Variants in MYO9A observed in about 807,000 individuals in gnomAD.
MYO9A encodes unconventional myosin-IXa.
Under a neutral mutation model 293.3 loss-of-function variants are expected in MYO9A, and 103 were observed. The observed-to-expected ratio is 0.35, with a 90% confidence interval of 0.30 to 0.41. The LOEUF is 0.41. MYO9A is among the 10% of genes least tolerant of loss of function. MYO9A has a pLI of 1.00. For missense variants in MYO9A, 2,685 were observed against 3,033.0 expected, an observed-to-expected ratio of 0.89 and a Z score of 2.69; for synonymous variants, 1,001 against 1,035.7, an observed-to-expected ratio of 0.97 and a Z score of 0.64.
At chr15:72,046,709 A>C (rs1004753426) in intron 1 of MYO9A, 75 bp from the exon 2 acceptor site, 21 of 1,013,718 alleles carry the variant, frequency 2.1e-5, no homozygotes, top group Middle Eastern at 2.4e-4. Flanking sequence ...GAAAAGCTTA[A>C]CAAGCATGTT....
intron 13 of MYO9A, among the ~76,000 whole-genome samples, chr15:71,964,468 G>A (rs539622793): frequency 3.3e-5 from 5 of 152,012 alleles, no homozygotes; most frequent in Admixed American, 1.3e-4. Context: ...CCAACATGGC[G>A]AAACCCCATC....
chr15:71,996,816 A>T (rs2076711516), intron 9 of MYO9A, among the ~76,000 whole-genome samples: 1 of 151,956 alleles, frequency 6.6e-6, no homozygotes, highest in African/African-American at 2.4e-5. Context: ...TCTGTGCTTG[A>T]CCAAAACCCA....
At chr15:71,934,786 C>CTTTTTTT (rs1167613386) in intron 17 of MYO9A, among the ~76,000 whole-genome samples, 41 of 61,788 alleles carry the variant, frequency 6.6e-4, no homozygotes, top group East Asian at 2.4e-3. Flanking sequence ...CTTTTCTTTT[C>CTTTTTTT]TTTTTTTTTT....
intron 37 of MYO9A, among the ~76,000 whole-genome samples, chr15:71,850,532 A>G (rs972445732): frequency 5.9e-5 from 9 of 152,094 alleles, no homozygotes; most frequent in African/African-American, 1.9e-4. Flanking sequence ...TGGGAGGCCA[A>G]TGTGGGCAGA....
In MYO9A at chr15:71,897,656, G is replaced by A. The variant is rs2143024116; in HGVS notation, c.4847C>T (p.Thr1616Ile). 1 of 1,614,144 alleles carries A rather than the reference G, an allele frequency of 6.2e-7. No individual in the cohort carries two copies. The highest frequency in any genetic ancestry group is 1.6e-4 in the Middle Eastern group (1 of 6,062). The stretch of plus-strand genomic sequence containing the variant: ...GTCTGTCTTGGATAATTCCTTGACA[G>A]TACTAGATTGGCATGGACTTCCTTT... ...ERKGSPCQSS[T>I]VKELSKTDRM... The change falls in exon 25 of 42, where the codon ACT becomes ATT. Residue 1616 changes from threonine to isoleucine, a missense_variant. By Grantham distance (89) the Thr-to-Ile change is moderately conservative (BLOSUM62 -1). Coordinates refer to ENST00000356056, the MANE Select transcript of MYO9A (RefSeq NM_006901.4).
intron 1 of MYO9A, among the ~76,000 whole-genome samples, chr15:72,091,559 A>G (rs993725955): frequency 6.6e-6 from 1 of 152,084 alleles, no homozygotes; most frequent in African/African-American, 2.4e-5. Context: ...TAGTAATACA[A>G]CTTTACCTGA....
intron 1 of MYO9A, among the ~76,000 whole-genome samples, chr15:72,095,865 A>G (rs1481054919): frequency 6.6e-6 from 1 of 151,554 alleles, no homozygotes; most frequent in African/African-American, 2.4e-5. Flanking sequence ...GGATCATCTG[A>G]GGTCAGGAGT....
chr15:71,979,832 T>C (rs2076229614), intron 11 of MYO9A, among the ~76,000 whole-genome samples: 1 of 152,176 alleles, frequency 6.6e-6, no homozygotes, highest in Admixed American at 6.5e-5. Context: ...AACAAGAGTA[T>C]TGGGACTCCA....
rs142700128 is a variant in MYO9A at position 72,016,896 on chromosome 15, C to T, written c.1155+2143G>A. 2.2e-4 allele frequency among the ~76,000 whole-genome samples: 34 copies of T among 151,600 alleles called. 1 individual carries two copies. In the East Asian group the frequency reaches 6.0e-3, roughly 27 times the overall value. ...TGTACTCTATCAAGTTCTTTACATG[C>T]ACAACTTTAAGACTCACAAAACTTA... On this transcript the variant is annotated intron_variant, in intron 6 of 41. Coordinates refer to ENST00000356056, the MANE Select transcript of MYO9A (RefSeq NM_006901.4).
chr15:71,984,556 C>T (rs1355785782), intron 11 of MYO9A, among the ~76,000 whole-genome samples: 1 of 152,154 alleles, frequency 6.6e-6, no homozygotes, highest in Non-Finnish European at 1.5e-5. Context: ...CTCTCATACA[C>T]ATCTTTCCAA....
Position 71,898,282 on chromosome 15 carries a change from C to A in MYO9A, c.4221G>T (p.Gln1407His). 6.2e-6 allele frequency: 10 copies of A among 1,614,108 alleles called. No individual in the cohort carries two copies. Among genetic ancestry groups the A allele is most frequent in the Non-Finnish European group, 8.5e-6 (10 of 1,180,030 alleles). ...TATTTGAAATGAAGGAGTCTTTCAG[C>A]TGTGGTTTACAGGTAATAGACTCAG... ...CSSESITCKP[Q>H]LKDSFISNSL... Residue 1407 changes from glutamine to histidine, a missense_variant, in exon 25 of 42, where the codon CAG (glutamine) becomes CAT (histidine). Gln to His is a conservative substitution (Grantham distance 24, BLOSUM62 0). Around this residue, in one of 10 missense-constraint regions of MYO9A, gnomAD observed 1,434 missense variants for 1,497.7 expected, o/e 0.96. Transcript: ENST00000356056.
rs1412788884 is a variant in MYO9A at position 71,826,359 on chromosome 15, T to C, written c.*221A>G. The C allele has an allele frequency of 7.7e-6, 4 of 522,800 alleles. No homozygotes were observed. The highest frequency in any genetic ancestry group is 6.4e-5 in the East Asian group (2 of 31,178). 32.4% of individuals were successfully genotyped at this position (522,800 alleles called of 1,614,324 possible). A position where few individuals can be genotyped will look rare whatever the true frequency, so the allele number is the denominator to read the frequency against. ...TGGCTTTGTATAGTAAAAATCTCAATTCAAATACAACAGCCAAGGCACAGC... is the reference window on the plus strand; with the variant it reads ...TGGCTTTGTATAGTAAAAATCTCAACTCAAATACAACAGCCAAGGCACAGC... On this transcript the variant is annotated 3_prime_UTR_variant, in exon 42 of 42. Coordinates refer to ENST00000356056, the MANE Select transcript of MYO9A (RefSeq NM_006901.4).
intron 15 of MYO9A, 151 bp downstream of exon 15, chr15:71,951,626 A>G: frequency 1.2e-6 from 1 of 803,804 alleles, no homozygotes; most frequent in East Asian, 2.7e-5. Flanking sequence ...AGAAAGTACT[A>G]AAGACTCAAT....
intron 18 of MYO9A, among the ~76,000 whole-genome samples, chr15:71,925,613 T>C (rs958917879): frequency 6.6e-6 from 1 of 152,142 alleles, no homozygotes; most frequent in South Asian, 2.1e-4. Context: ...CTTGTATTTA[T>C]AATGGACTAT....
rs554449491 is a variant in MYO9A, at chr15:72,073,726, C to A, written c.-71-27092G>T. On this transcript the variant is annotated intron_variant, in intron 1 of 41. Coordinates refer to ENST00000356056, the MANE Select transcript of MYO9A (RefSeq NM_006901.4). The stretch of plus-strand genomic sequence containing the variant: ...AGTAATTTGGATAACTCTTACAGAC[C>A]AAATTGAGGTATCTACTAACCGAAA... Among the ~76,000 whole-genome samples the A allele has an allele frequency of 1.7e-4, 26 of 152,080 alleles. No homozygotes were observed. The South Asian group carries it at 2.3e-3, about 13-fold the overall frequency.
At chr15:71,986,445 T>G (rs1276029355) in intron 11 of MYO9A, among the ~76,000 whole-genome samples, 1 of 152,180 alleles carries the variant, frequency 6.6e-6, no homozygotes, top group African/African-American at 2.4e-5. Flanking sequence ...TCAGAATCAC[T>G]CACCCATTCT....
rs767148810 is a variant in MYO9A, at chr15:71,951,892, A to T, written c.2187T>A (p.His729Gln). Residue 729 changes from histidine to glutamine, a missense_variant, in exon 15 of 42, where the codon CAT becomes CAA. This residue lies in a region of MYO9A where 1,434 missense variants were observed against 1,497.7 expected (regional missense o/e 0.96). Transcript: ENST00000356056. Reference sequence around the variant, plus strand: ...AAATTGCACATGGCGCTGTATCATCATGTCCTTAGGAAGCAAAAAAAAACA... The same window carrying T: ...AAATTGCACATGGCGCTGTATCATCTTGTCCTTAGGAAGCAAAAAAAAACA... ...GKRNIHRKTGHDDTAPCAILK... is the reference protein window; with the variant it reads ...GKRNIHRKTGQDDTAPCAILK... The T allele has an allele frequency of 6.3e-7, 1 of 1,592,868 alleles. No homozygotes were observed.
At chr15:71,977,984 C>T (rs1479199256) in intron 12 of MYO9A, among the ~76,000 whole-genome samples, 187 bp downstream of exon 12, 1 of 152,080 alleles carries the variant, frequency 6.6e-6, no homozygotes, top group African/African-American at 2.4e-5. Flanking sequence ...TTGCAATGAG[C>T]CGAGATGGGG....
chr15:71,852,775 C>A (rs1230282750), intron 35 of MYO9A, among the ~76,000 whole-genome samples: 3 of 152,122 alleles, frequency 2.0e-5, no homozygotes, highest in Non-Finnish European at 4.4e-5. Context: ...ATTTGTTTTC[C>A]AAACCTGTTG....
Sources: gnomAD v4.1 joint callset for allele counts (sites outside exome capture counted in the v4.1 genomes callset) on GRCh38, gnomAD v4.1.1 for gene constraint, gnomAD v4.1.1 regional missense constraint, MANE v1.5 for transcripts, NCBI Gene and HGNC (gene_info 2026-07-23, HGNC 2026-07-21) for gene names.